CTNNA3: variants seen among roughly 807,000 people sequenced by gnomAD.
CTNNA3 encodes catenin alpha-3.
A neutral mutation model predicts 95.7 loss-of-function variants in CTNNA3; 76 were observed. That is an observed-to-expected ratio of 0.79 (90% CI 0.66 to 0.96). The LOEUF is 0.96. CTNNA3 is among the 40% of genes least tolerant of loss of function. The probability of loss-of-function intolerance (pLI) is 0.00; values close to 1 mark genes in which losing one functional copy is unlikely to be tolerated. For synonymous variants in CTNNA3, 431 were observed against 374.4 expected, an observed-to-expected ratio of 1.15 and a Z score of -1.74; for missense variants, 1,191 against 1,089.8, an observed-to-expected ratio of 1.09 and a Z score of -1.31.
intron 5 of CTNNA3, among the ~76,000 whole-genome samples, chr10:67,308,294 A>T (rs943283612): frequency 5.3e-5 from 8 of 152,182 alleles, no homozygotes; most frequent in Non-Finnish European, 1.0e-4. Context: ...CCGGGGGGGA[A>T]GTAATTGAAT....
chr10:67,720,503 T>C (rs1181443598), intron 1 of CTNNA3, among the ~76,000 whole-genome samples: 2 of 152,134 alleles, frequency 1.3e-5, no homozygotes, highest in Admixed American at 6.5e-5. Context: ...CAGTTGTTCC[T>C]TTCCATATTT....
chr10:66,622,626 T>C (rs1367696847), intron 9 of CTNNA3, among the ~76,000 whole-genome samples: 1 of 152,156 alleles, frequency 6.6e-6, no homozygotes, highest in African/African-American at 2.4e-5. Flanking sequence ...CTACAAAATA[T>C]CTCATTGTCT....
At chr10:67,125,358 C>T (rs545809311) in intron 7 of CTNNA3, among the ~76,000 whole-genome samples, 108 of 151,990 alleles carry the variant, frequency 7.1e-4, no homozygotes, top group South Asian at 3.5e-3. Flanking sequence ...AGTAAGAATG[C>T]GCCCGGGAAA....
chr10:65,925,614 T>C (rs2077157661), intron 17 of CTNNA3, among the ~76,000 whole-genome samples: 1 of 152,114 alleles, frequency 6.6e-6, no homozygotes, highest in Non-Finnish European at 1.5e-5. Flanking sequence ...TTTTTCTGTT[T>C]TTAGTAGAGA....
At chr10:66,515,386 G>A (rs1288828740) in intron 11 of CTNNA3, among the ~76,000 whole-genome samples, 1 of 151,190 alleles carries the variant, frequency 6.6e-6, no homozygotes, top group African/African-American at 2.4e-5. Flanking sequence ...CTGAAAGAAA[G>A]CCCATGAGAG....
chr10:66,097,614 T>C (rs984179530), intron 14 of CTNNA3, among the ~76,000 whole-genome samples: 12 of 152,166 alleles, frequency 7.9e-5, no homozygotes, highest in African/African-American at 2.7e-4. Context: ...TCTTGACTTA[T>C]ACATTACAGT....
At chr10:66,383,347 T>C (rs746806016) in intron 11 of CTNNA3, among the ~76,000 whole-genome samples, 1 of 152,184 alleles carries the variant, frequency 6.6e-6, no homozygotes, top group Non-Finnish European at 1.5e-5. Flanking sequence ...AGGGTATCAG[T>C]GATTGAAGAT....
intron 9 of CTNNA3, among the ~76,000 whole-genome samples, chr10:66,755,374 T>C (rs914181162): frequency 6.6e-6 from 1 of 152,146 alleles, no homozygotes; most frequent in Non-Finnish European, 1.5e-5. Context: ...TTGATTGTAG[T>C]GATAGTTGCA....
intron 1 of CTNNA3, among the ~76,000 whole-genome samples, chr10:67,708,905 CTGAAA>C (rs927274213): frequency 1.3e-5 from 2 of 151,754 alleles, no homozygotes; most frequent in Non-Finnish European, 2.9e-5. Flanking sequence ...TTTTAATATC[CTGAAA>C]TGAAATTTAT....
At chr10:66,960,696 C>T (rs1018489841) in intron 7 of CTNNA3, among the ~76,000 whole-genome samples, 1 of 152,104 alleles carries the variant, frequency 6.6e-6, no homozygotes, top group African/African-American at 2.4e-5. Flanking sequence ...CTCTTCATAG[C>T]ATAATATTCC....
At chr10:66,655,148 C>T in intron 9 of CTNNA3, among the ~76,000 whole-genome samples, 1 of 152,028 alleles carries the variant, frequency 6.6e-6, no homozygotes, top group East Asian at 1.9e-4. Context: ...TGGATTCAGC[C>T]TTTCCACAAT....
chr10:66,523,936 C>T (rs555257734), intron 10 of CTNNA3, among the ~76,000 whole-genome samples: 3 of 152,092 alleles, frequency 2.0e-5, no homozygotes, highest in East Asian at 1.9e-4. Flanking sequence ...AGTCTAAAAC[C>T]GTCCCCAGGT....
intron 11 of CTNNA3, among the ~76,000 whole-genome samples, chr10:66,442,691 C>T (rs996026072): frequency 5.3e-5 from 8 of 152,188 alleles, no homozygotes; most frequent in Non-Finnish European, 1.0e-4. Context: ...CCAAGATGGC[C>T]GAATAGGAAC....
chr10:66,137,754 C>T (rs949534888), intron 13 of CTNNA3, among the ~76,000 whole-genome samples: 1 of 152,014 alleles, frequency 6.6e-6, no homozygotes, highest in Admixed American at 6.6e-5. Context: ...CAGGATTAGC[C>T]TGGGCAACAT....
chr10:67,493,395 A>C (rs911904339), intron 5 of CTNNA3, among the ~76,000 whole-genome samples: 2 of 152,034 alleles, frequency 1.3e-5, no homozygotes, highest in Non-Finnish European at 2.9e-5. Context: ...CCCCGTCTCT[A>C]CTAAAAAATA....
At chr10:66,358,735 A>G (rs1180828554) in intron 12 of CTNNA3, among the ~76,000 whole-genome samples, 1 of 152,202 alleles carries the variant, frequency 6.6e-6, no homozygotes, top group East Asian at 1.9e-4. Flanking sequence ...GTATAATTTT[A>G]GTTGTCTCTA....
At chr10:66,623,386 A>G (rs1341057608) in intron 9 of CTNNA3, among the ~76,000 whole-genome samples, 6 of 152,134 alleles carry the variant, frequency 3.9e-5, no homozygotes, top group Admixed American at 3.9e-4. Context: ...TTACTTACTT[A>G]TATTTACTGT....
At chr10:67,296,000 T>C (rs960187789) in intron 5 of CTNNA3, among the ~76,000 whole-genome samples, 2 of 152,142 alleles carry the variant, frequency 1.3e-5, no homozygotes, top group Non-Finnish European at 2.9e-5. Context: ...GGGTCCATAG[T>C]AGACACTGTA....
chr10:66,714,394 G>C (rs940225365), intron 9 of CTNNA3, among the ~76,000 whole-genome samples: 1 of 152,104 alleles, frequency 6.6e-6, no homozygotes, highest in South Asian at 2.1e-4. Flanking sequence ...AAGCAAGCCA[G>C]ATACACAGTT....
Sources: allele counts gnomAD v4.1 joint callset (sites outside exome capture counted in the v4.1 genomes callset), GRCh38; gene constraint gnomAD v4.1.1; transcripts MANE v1.5; gene names NCBI Gene and HGNC (gene_info 2026-07-23, HGNC 2026-07-21).